Variants in CELF4 observed in about 807,000 individuals in gnomAD.
CELF4 encodes the protein CUGBP Elav-like family member 4, also known as CUG-BP- and ETR-3-like factor 4.
CELF4 carries 18 observed loss-of-function variants against 59.9 expected under a neutral mutation model. That is an observed-to-expected ratio of 0.30 (90% CI 0.21 to 0.45). The LOEUF is 0.45. CELF4 is among the 20% of genes least tolerant of loss of function. The probability of loss-of-function intolerance (pLI) is 1.00; values close to 1 mark genes in which losing one functional copy is unlikely to be tolerated. For synonymous variants in CELF4, 261 were observed against 267.1 expected, an observed-to-expected ratio of 0.98 and a Z score of 0.22; for missense variants, 456 against 689.0, an observed-to-expected ratio of 0.66 and a Z score of 3.79.
intron 1 of CELF4, among the ~76,000 whole-genome samples, chr18:37,502,850 G>A (rs1179748569): frequency 6.6e-6 from 1 of 152,196 alleles, no homozygotes; most frequent in African/African-American, 2.4e-5. Flanking sequence ...TCTAGGTAGC[G>A]CTGATTCCCT....
intron 2 of CELF4, among the ~76,000 whole-genome samples, chr18:37,353,234 ATAT>A (rs1370887803): frequency 2.0e-4 from 4 of 20,052 alleles, no homozygotes; most frequent in African/African-American, 5.2e-4. Flanking sequence ...AAAAAAAAAA[ATAT>A]ATATATATAT....
intron 2 of CELF4, among the ~76,000 whole-genome samples, chr18:37,441,104 C>G (rs1195469159): frequency 6.6e-6 from 1 of 152,194 alleles, no homozygotes; most frequent in African/African-American, 2.4e-5. Context: ...CCCCGCTGGA[C>G]CAGTGACTCT....
rs116960378 is a variant in CELF4 at position 37,459,905 on chromosome 18, G to A, written c.369+25620C>T. Among the ~76,000 whole-genome samples, 20 of 152,222 alleles carry A rather than the reference G, an allele frequency of 1.3e-4. No homozygotes were observed. The East Asian group carries it at 3.9e-3, about 29-fold the overall frequency. On this transcript the variant is annotated intron_variant, in intron 2 of 12. Coordinates refer to ENST00000420428, the MANE Select transcript of CELF4 (RefSeq NM_020180.4). ...AAGATGCTTTCTTCTAAATACATAC[G>A]TCCTTGGAAGGCAGAGTTTGAATGG... is the stretch of plus-strand genomic sequence containing the variant.
intron 2 of CELF4, among the ~76,000 whole-genome samples, chr18:37,447,915 A>G (rs576951793): frequency 6.6e-6 from 1 of 152,228 alleles, no homozygotes; most frequent in East Asian, 1.9e-4. Context: ...CCATCCCCCA[A>G]GCACCTCCAC....
At chr18:37,493,317 A>T (rs1277093068) in intron 1 of CELF4, among the ~76,000 whole-genome samples, 1 of 152,118 alleles carries the variant, frequency 6.6e-6, no homozygotes, top group Non-Finnish European at 1.5e-5. Flanking sequence ...AACCTCTCTC[A>T]TAGCCCTTGG....
At chr18:37,471,934 G>T (rs1228129436) in intron 2 of CELF4, among the ~76,000 whole-genome samples, 1 of 152,144 alleles carries the variant, frequency 6.6e-6, no homozygotes, top group Admixed American at 6.5e-5. Context: ...TCTGTCTCTC[G>T]GCCTTGAAGG....
At chr18:37,250,311 GGAA>G (rs1458007401) in intron 12 of CELF4, among the ~76,000 whole-genome samples, 2 of 152,184 alleles carry the variant, frequency 1.3e-5, no homozygotes, top group African/African-American at 4.8e-5. Flanking sequence ...AAACCCGCCA[GGAA>G]GGAGAGTCAC....
At chr18:37,434,214 A>C (rs2099681381) in intron 2 of CELF4, among the ~76,000 whole-genome samples, 1 of 152,122 alleles carries the variant, frequency 6.6e-6, no homozygotes, top group African/African-American at 2.4e-5. Context: ...GCAATGTTTC[A>C]AGGCCCTACA....
At chr18:37,510,536 C>G (rs944262555) in intron 1 of CELF4, among the ~76,000 whole-genome samples, 2 of 152,236 alleles carry the variant, frequency 1.3e-5, no homozygotes, top group African/African-American at 2.4e-5. Context: ...TCTCTGCTCT[C>G]TACCTCACCA....
In CELF4 at chr18:37,555,142, G is replaced by A. The variant is rs565716284; in HGVS notation, c.286+10214C>T. On this transcript the variant is annotated intron_variant, in intron 1 of 12. Coordinates refer to ENST00000420428, the MANE Select transcript of CELF4 (RefSeq NM_020180.4). ...GCCAGTATATCCCACCCCAGGAATG[G>A]GATGTGGCTTCAGGCTCATGCCACC... 3.4e-4 allele frequency among the ~76,000 whole-genome samples: 52 copies of A among 152,292 alleles called. 1 individual carries two copies. The highest frequency in any genetic ancestry group is 9.8e-4 in the Admixed American group (15 of 15,300).
At chr18:37,285,945 C>T (rs764811835) in intron 3 of CELF4, among the ~76,000 whole-genome samples, 1 of 152,182 alleles carries the variant, frequency 6.6e-6, no homozygotes, top group African/African-American at 2.4e-5. Context: ...CCGCTGGCGT[C>T]TGGCACACTC....
intron 1 of CELF4, among the ~76,000 whole-genome samples, chr18:37,512,388 C>T (rs1778423498): frequency 6.6e-6 from 1 of 152,226 alleles, no homozygotes; most frequent in Non-Finnish European, 1.5e-5. Flanking sequence ...TCCTCCTCCT[C>T]TTTCTCTTCC....
chr18:37,289,272 G>A (rs376787963), intron 3 of CELF4, among the ~76,000 whole-genome samples: 7 of 152,112 alleles, frequency 4.6e-5, no homozygotes, highest in African/African-American at 1.4e-4. Flanking sequence ...AGGATACTGA[G>A]GTCAGGCTGC....
intron 1 of CELF4, among the ~76,000 whole-genome samples, chr18:37,554,862 G>A (rs933680456): frequency 2.0e-5 from 3 of 152,172 alleles, no homozygotes; most frequent in African/African-American, 7.2e-5. Context: ...TGCCCCAAGA[G>A]AATTCCAAGC....
At chr18:37,556,232 T>C (rs2099984751) in intron 1 of CELF4, among the ~76,000 whole-genome samples, 1 of 152,214 alleles carries the variant, frequency 6.6e-6, no homozygotes, top group South Asian at 2.1e-4. Context: ...TGGCCAGAAC[T>C]AGCCACTGGG....
chr18:37,533,000 G>A (rs1267425671), intron 1 of CELF4, among the ~76,000 whole-genome samples: 1 of 152,222 alleles, frequency 6.6e-6, no homozygotes, highest in Non-Finnish European at 1.5e-5. Flanking sequence ...TCTCATGGAA[G>A]CTAAATTTCC....
chr18:37,529,859 A>G (rs1462605794), intron 1 of CELF4, among the ~76,000 whole-genome samples: 1 of 152,168 alleles, frequency 6.6e-6, no homozygotes, highest in Non-Finnish European at 1.5e-5. Flanking sequence ...CTTCACCCAC[A>G]GACATTCTGA....
At chr18:37,507,506 C>G (rs1353877372) in intron 1 of CELF4, among the ~76,000 whole-genome samples, 2 of 152,212 alleles carry the variant, frequency 1.3e-5, no homozygotes, top group African/African-American at 4.8e-5. Context: ...CTGTCACTTC[C>G]TTGCTTTGAA....
intron 2 of CELF4, among the ~76,000 whole-genome samples, chr18:37,397,164 C>T (rs1019852395): frequency 1.3e-5 from 2 of 152,226 alleles, no homozygotes; most frequent in African/African-American, 4.8e-5. Context: ...GCTGTCCTCT[C>T]TGCAGACACA....
Sources: gnomAD v4.1 joint callset for allele counts (sites outside exome capture counted in the v4.1 genomes callset) on GRCh38, gnomAD v4.1.1 for gene constraint, MANE v1.5 for transcripts, NCBI Gene and HGNC (gene_info 2026-07-23, HGNC 2026-07-21) for gene names.